IGSF5: variants seen among roughly 807,000 people sequenced by gnomAD.
IGSF5 encodes the protein immunoglobulin superfamily 5 like.
Under a neutral mutation model 39.4 loss-of-function variants are expected in IGSF5, and 41 were observed. The observed-to-expected ratio is 1.04, with a 90% CI of 0.81 to 1.35. The LOEUF (loss-of-function observed/expected upper bound fraction) is 1.35. Ranked by LOEUF, IGSF5 falls within the 40% of genes most tolerant of loss-of-function variation. The pLI is 0.00. For missense variants in IGSF5, 487 were observed against 494.6 expected (o/e 0.98, Z 0.15); for synonymous variants, 183 against 175.3 (o/e 1.04, Z -0.34).
chr21:39,801,282 C>G lies in IGSF5; in HGVS notation c.1149C>G (p.Pro383=), dbSNP rs2087027422. ...GCCAGCGGGCTGATCAACGTCCACC[C>G]AGGCCAGCAAGTCATCCACAGGCTT... ...PPHQRADQRP[P]RPASHPQASF... The change falls in exon 9 of 9, where the codon CCC becomes CCG. Residue 383 remains proline, a synonymous_variant. Coordinates refer to ENST00000380588, the MANE Select transcript of IGSF5 (RefSeq NM_001080444.2). 1.2e-6 allele frequency: 2 copies of G among 1,614,102 alleles called. No individual in the cohort carries two copies. The highest frequency in any genetic ancestry group is 1.7e-6 in the Non-Finnish European group (2 of 1,179,982).
At chr21:39,720,081 A>G in the IGSF5 span, among the ~76,000 whole-genome samples, 2 of 152,230 alleles carry the variant, frequency 1.3e-5, no homozygotes, top group Non-Finnish European at 2.9e-5. Context: ...GACACCAGGA[A>G]TCATTTTCAT....
chr21:39,780,127 T>C (rs992085447), intron 5 of IGSF5, among the ~76,000 whole-genome samples: 1 of 152,262 alleles, frequency 6.6e-6, no homozygotes, highest in Admixed American at 6.5e-5. Flanking sequence ...TTTCACAATA[T>C]GTACATAGCT....
chr21:39,719,104 C>T, the IGSF5 span, among the ~76,000 whole-genome samples: 17 of 152,260 alleles, frequency 1.1e-4, no homozygotes, highest in Non-Finnish European at 1.9e-4. Context: ...GGAATTTATC[C>T]ATCTCTTCTA....
At chr21:39,762,689 G>A (rs1431573638) in intron 2 of IGSF5, among the ~76,000 whole-genome samples, 1 of 152,136 alleles carries the variant, frequency 6.6e-6, no homozygotes, top group East Asian at 1.9e-4. Context: ...ACATATTGGG[G>A]GTTAAATATT....
At chr21:39,777,917 G>C (rs892820293) in intron 4 of IGSF5, among the ~76,000 whole-genome samples, 1 of 152,144 alleles carries the variant, frequency 6.6e-6, no homozygotes, top group Non-Finnish European at 1.5e-5. Flanking sequence ...AGTGGTGGAT[G>C]GCCATTGATT....
the IGSF5 span, among the ~76,000 whole-genome samples, chr21:39,724,547 GT>G: frequency 2.0e-5 from 3 of 152,318 alleles, no homozygotes; most frequent in African/African-American, 7.2e-5. Flanking sequence ...CAAGCTCTCT[GT>G]TTTTGCCTGC....
intron 4 of IGSF5, among the ~76,000 whole-genome samples, chr21:39,772,133 G>C (rs2080118211): frequency 6.6e-6 from 1 of 152,186 alleles, no homozygotes; most frequent in Admixed American, 6.5e-5. Context: ...AAGTTATCAG[G>C]CACTATTCTG....
chr21:39,751,533 G>T (rs1450466398), intron 2 of IGSF5, among the ~76,000 whole-genome samples: 1 of 151,944 alleles, frequency 6.6e-6, no homozygotes, highest in African/African-American at 2.4e-5. Flanking sequence ...CAGAATTTCT[G>T]GATGGTTTCT....
At chr21:39,716,330 AT>A in the IGSF5 span, among the ~76,000 whole-genome samples, 9 of 151,740 alleles carry the variant, frequency 5.9e-5, no homozygotes, top group East Asian at 3.9e-4. Context: ...AAAAACGAGA[AT>A]TTTTTTTTCT....
Position 39,801,450 on chromosome 21 carries a change from C to A in IGSF5, c.*93C>A. ...TTTCCATCCTAAGACTGGCCTGCAG[C>A]TTTGCCAACATTACCTGAAGAGGAG... is the stretch of plus-strand genomic sequence containing the variant. On this transcript the variant is annotated 3_prime_UTR_variant, in exon 9 of 9. Transcript: ENST00000380588. The A allele has an allele frequency of 3.4e-6, 3 of 875,606 alleles. No homozygotes were observed. Among genetic ancestry groups the A allele is most frequent in the East Asian group, 2.6e-5 (1 of 38,814 alleles). 54.2% of individuals were successfully genotyped at this position (875,606 alleles called of 1,614,324 possible). A position where few individuals can be genotyped will look rare whatever the true frequency, so the allele number is the denominator to read the frequency against.
chr21:39,793,185 C>A (rs1311717717), intron 7 of IGSF5, among the ~76,000 whole-genome samples: 1 of 152,106 alleles, frequency 6.6e-6, no homozygotes, highest in Non-Finnish European at 1.5e-5. Flanking sequence ...ACTATCTTGA[C>A]AAAAATCATG....
chr21:39,746,341 A>T, intron 2 of IGSF5, 43 bp downstream of exon 2: 1 of 696,682 alleles, frequency 1.4e-6, no homozygotes, highest in South Asian at 1.5e-5. Flanking sequence ...CACGGACCAG[A>T]AGAGTGCAGT....
the IGSF5 span, among the ~76,000 whole-genome samples, chr21:39,733,023 C>T: frequency 6.6e-6 from 1 of 151,014 alleles, no homozygotes; most frequent in African/African-American, 2.4e-5. Context: ...GAGACCCTGT[C>T]TCAAAATAAT....
chr21:39,747,091 C>G (rs187478763), intron 2 of IGSF5, among the ~76,000 whole-genome samples: 1 of 152,190 alleles, frequency 6.6e-6, no homozygotes, highest in Non-Finnish European at 1.5e-5. Flanking sequence ...GTGAATTAGT[C>G]TGTTTTCACG....
chr21:39,748,301 C>CTTT (rs60669244), intron 2 of IGSF5, among the ~76,000 whole-genome samples: 4,798 of 58,122 alleles, frequency 0.083, 1,346 homozygotes, highest in East Asian at 0.22. Flanking sequence ...AAAACAAGAT[C>CTTT]TTTTTTTTTT....
chr21:39,781,779 A>G (rs2080171851), intron 5 of IGSF5, among the ~76,000 whole-genome samples: 1 of 152,116 alleles, frequency 6.6e-6, no homozygotes, highest in Non-Finnish European at 1.5e-5. Flanking sequence ...CAATTTTTAT[A>G]TGTTTTTATA....
chr21:39,731,032 T>A, the IGSF5 span, among the ~76,000 whole-genome samples: 1 of 152,214 alleles, frequency 6.6e-6, no homozygotes, highest in Non-Finnish European at 1.5e-5. Context: ...TGACAAGGTC[T>A]CCTGTCCCCT....
At chr21:39,779,558 T>G (rs1046770196) in intron 5 of IGSF5, among the ~76,000 whole-genome samples, 1 of 152,192 alleles carries the variant, frequency 6.6e-6, no homozygotes, top group African/African-American at 2.4e-5. Context: ...TGGGTCTATA[T>G]CCAAAAGAAA....
At chr21:39,776,840 A>C (rs548495449) in intron 4 of IGSF5, among the ~76,000 whole-genome samples, 1 of 152,328 alleles carries the variant, frequency 6.6e-6, no homozygotes, top group East Asian at 1.9e-4. Flanking sequence ...TGTCTCTTAA[A>C]TCTTGAGCCA....
Sources: gnomAD v4.1 joint callset for allele counts (sites outside exome capture counted in the v4.1 genomes callset) on GRCh38, gnomAD v4.1.1 for gene constraint, MANE v1.5 for transcripts, NCBI Gene and HGNC (gene_info 2026-07-23, HGNC 2026-07-21) for gene names.